TENM3: variants seen among roughly 807,000 people sequenced by gnomAD.
The protein encoded by TENM3 is teneurin transmembrane protein 3.
A neutral mutation model predicts 255.1 loss-of-function variants in TENM3; 63 were observed. The ratio of observed to expected loss-of-function variants is 0.25; its 90% confidence interval spans 0.20 to 0.30. The LOEUF (loss-of-function observed/expected upper bound fraction) is 0.30. Among genes scored for constraint, TENM3 ranks in the 10% least tolerant of loss-of-function variants. The probability of loss-of-function intolerance (pLI) is 1.00; values close to 1 mark genes in which losing one functional copy is unlikely to be tolerated. For missense variants in TENM3, 2,929 were observed against 3,461.1 expected (o/e 0.85, Z 3.86); for synonymous variants, 1,306 against 1,322.3 (o/e 0.99, Z 0.27).
the TENM3 span, among the ~76,000 whole-genome samples, chr4:181,852,805 T>C: frequency 6.6e-6 from 1 of 152,188 alleles, no homozygotes; most frequent in African/African-American, 2.4e-5. Flanking sequence ...GTTCCTGTTT[T>C]ACAGGTGACC....
intron 3 of TENM3, among the ~76,000 whole-genome samples, chr4:182,453,782 T>G (rs1580603161): frequency 6.6e-6 from 1 of 152,194 alleles, no homozygotes; most frequent in African/African-American, 2.4e-5. Context: ...TTCTTTTAAA[T>G]AAAACAAAAT....
intron 3 of TENM3, among the ~76,000 whole-genome samples, chr4:182,430,705 G>GT (rs1425371619): frequency 6.6e-6 from 1 of 151,440 alleles, no homozygotes; most frequent in African/African-American, 2.4e-5. Context: ...ATCTGAGCAG[G>GT]TTTGTGTTTT....
chr4:182,370,091 G>T lies in TENM3; in HGVS notation c.511+23162G>T, dbSNP rs1284589327. On this transcript the variant is annotated intron_variant, in intron 3 of 27. Transcript: ENST00000511685. ...TGTGCATTGTTTTATCTTTGATTAA[G>T]ACTACAAAGCTAATTTTGCAAAGTT... 2.0e-5 allele frequency among the ~76,000 whole-genome samples: 3 copies of T among 152,082 alleles called. No individual in the cohort carries two copies. In the East Asian group the frequency reaches 5.8e-4, roughly 29 times the overall value.
intron 3 of TENM3, among the ~76,000 whole-genome samples, chr4:182,365,099 T>C (rs1766335754): frequency 1.3e-5 from 2 of 152,264 alleles, no homozygotes; most frequent in African/African-American, 4.8e-5. Context: ...TTTTTGACAA[T>C]TGGACCGATG....
chr4:182,245,177 G>A (rs1030601563), intron 1 of TENM3, among the ~76,000 whole-genome samples: 2 of 152,148 alleles, frequency 1.3e-5, no homozygotes, highest in African/African-American at 4.8e-5. Context: ...TGGGATCATT[G>A]GGTGAGTTTA....
chr4:181,587,884 G>T, the TENM3 span, among the ~76,000 whole-genome samples: 3 of 152,262 alleles, frequency 2.0e-5, no homozygotes, highest in Admixed American at 2.0e-4. Flanking sequence ...TTCTGGGGAA[G>T]TTGGAAGGAC....
chr4:182,657,603 A>G (rs1426343227), intron 6 of TENM3, among the ~76,000 whole-genome samples: 1 of 151,940 alleles, frequency 6.6e-6, no homozygotes, highest in Non-Finnish European at 1.5e-5. Flanking sequence ...TTTGCCTCCT[A>G]CTGCCTCTCT....
At chr4:182,255,012 A>T (rs1758291540) in intron 1 of TENM3, among the ~76,000 whole-genome samples, 1 of 152,234 alleles carries the variant, frequency 6.6e-6, no homozygotes, top group Non-Finnish European at 1.5e-5. Context: ...CAATTCAATC[A>T]GTACTCATTT....
chr4:182,501,551 G>A (rs1413095481), intron 3 of TENM3, among the ~76,000 whole-genome samples: 1 of 151,982 alleles, frequency 6.6e-6, no homozygotes, highest in Non-Finnish European at 1.5e-5. Context: ...AGCATTGAAA[G>A]GTCCATCAGG....
the TENM3 span, among the ~76,000 whole-genome samples, chr4:181,683,469 C>T: frequency 1.3e-5 from 2 of 152,094 alleles, no homozygotes; most frequent in South Asian, 2.1e-4. Context: ...ACAAAGATTG[C>T]GGGGCTCACT....
At chr4:181,553,319 C>CGT in the TENM3 span, among the ~76,000 whole-genome samples, 154 of 74,648 alleles carry the variant, frequency 2.1e-3, 1 homozygote, top group African/African-American at 7.8e-3. Context: ...TATGTGTATG[C>CGT]GTATATATAT....
At chr4:181,644,632 C>T in the TENM3 span, among the ~76,000 whole-genome samples, 3 of 152,232 alleles carry the variant, frequency 2.0e-5, no homozygotes, top group Admixed American at 1.3e-4. Context: ...CTTTGTGACC[C>T]CTGCCTCCAA....
chr4:182,536,085 G>T (rs191145127), intron 3 of TENM3, among the ~76,000 whole-genome samples: 1 of 152,108 alleles, frequency 6.6e-6, no homozygotes, highest in African/African-American at 2.4e-5. Flanking sequence ...GAACAAATAT[G>T]GTGTATTTTT....
At chr4:181,535,170 T>C in the TENM3 span, among the ~76,000 whole-genome samples, 1 of 152,124 alleles carries the variant, frequency 6.6e-6, no homozygotes, top group Non-Finnish European at 1.5e-5. Context: ...CACTCAACAG[T>C]CGGGGCTGGG....
the TENM3 span, among the ~76,000 whole-genome samples, chr4:181,944,585 G>A: frequency 1.3e-5 from 2 of 152,118 alleles, no homozygotes; most frequent in East Asian, 3.9e-4. Context: ...CACAGAGAGA[G>A]TATAGGCCTG....
chr4:182,491,993 G>A (rs1580730645), intron 3 of TENM3, among the ~76,000 whole-genome samples: 1 of 152,180 alleles, frequency 6.6e-6, no homozygotes, highest in East Asian at 1.9e-4. Flanking sequence ...AATTTCAGAG[G>A]AATGGCAGTG....
At chr4:182,242,333 T>C (rs1012523397), upstream of TENM3, among the ~76,000 whole-genome samples, 4 of 152,016 alleles carry the variant, frequency 2.6e-5, no homozygotes, top group African/African-American at 4.8e-5. Context: ...CTTGCAATAG[T>C]TTGCTGAGAA....
At chr4:182,592,743 CA>C (rs1746799041) in intron 3 of TENM3, among the ~76,000 whole-genome samples, 2 of 152,080 alleles carry the variant, frequency 1.3e-5, no homozygotes, top group Admixed American at 6.5e-5. Context: ...GTAAAATATA[CA>C]AAAACAAAAA....
chr4:181,448,153 A>ATTTT, the TENM3 span, among the ~76,000 whole-genome samples: 1 of 108,730 alleles, frequency 9.2e-6, no homozygotes, highest in Non-Finnish European at 1.7e-5. Context: ...GAAATCCAGT[A>ATTTT]ATTTTTTTTT....
Sources: allele counts gnomAD v4.1 joint callset (sites outside exome capture counted in the v4.1 genomes callset), GRCh38; gene constraint gnomAD v4.1.1; transcripts MANE v1.5; gene names NCBI Gene and HGNC (gene_info 2026-07-23, HGNC 2026-07-21).